RANBP2: variants seen among roughly 807,000 people sequenced by gnomAD.
RANBP2 encodes RAN binding protein 2.
RANBP2 carries 57 observed loss-of-function variants against 303.6 expected under a neutral mutation model. The ratio of observed to expected loss-of-function variants is 0.19; its 90% CI spans 0.15 to 0.23. The LOEUF (loss-of-function observed/expected upper bound fraction) is 0.23. RANBP2 is among the 10% of genes least tolerant of loss of function. The pLI is 1.00. For missense variants in RANBP2, 3,138 were observed against 3,780.8 expected (o/e 0.83, Z 4.46); for synonymous variants, 1,167 against 1,301.5 (o/e 0.90, Z 2.23).
the RANBP2 span, among the ~76,000 whole-genome samples, chr2:108,814,946 T>A: frequency 5.3e-5 from 8 of 152,052 alleles, no homozygotes; most frequent in East Asian, 1.9e-4. Flanking sequence ...TGCAGATTTT[T>A]AAAAAAATAA....
rs373386612 is a variant in RANBP2, at chr2:108,765,688, T to C, written c.5149T>C (p.Phe1717Leu). 4.3e-6 allele frequency: 7 copies of C among 1,611,826 alleles called. No homozygotes were observed. The African/African-American group carries it at 9.4e-5, about 22-fold the overall frequency. ...GACAAGCAAGGCTCCAAAGAGCGGA[T>C]TTGAGGGAATGTTCACTAAGAAGGA... is the stretch of plus-strand genomic sequence containing the variant. ...SETSKAPKSG[F>L]EGMFTKKEGQ... is the part of the protein sequence containing the mutation. Residue 1717 changes from phenylalanine to leucine, a missense_variant, in exon 20 of 29, where the codon TTT (phenylalanine) becomes CTT (leucine). Phe to Leu is a conservative substitution (Grantham distance 22). This residue lies in a region of RANBP2 where 51 missense variants were observed against 112.1 expected (regional missense o/e 0.45). Coordinates refer to ENST00000283195, the MANE Select transcript of RANBP2 (RefSeq NM_006267.5).
the RANBP2 span, among the ~76,000 whole-genome samples, chr2:109,032,281 C>A: frequency 5.7e-4 from 86 of 152,206 alleles, no homozygotes; most frequent in African/African-American, 1.9e-3. Context: ...GAGTGAACTT[C>A]TGCATAGCGA....
the RANBP2 span, among the ~76,000 whole-genome samples, chr2:109,498,161 G>T: frequency 3.3e-4 from 51 of 152,288 alleles, no homozygotes; most frequent in East Asian, 1.4e-3. Flanking sequence ...CTTCCTTCCC[G>T]CCTGCATGTC....
At chr2:109,098,104 CTCTA>C in the RANBP2 span, among the ~76,000 whole-genome samples, 6 of 152,194 alleles carry the variant, frequency 3.9e-5, no homozygotes, top group Non-Finnish European at 5.9e-5. Context: ...TTCCTCAGGA[CTCTA>C]TCACAGTTGT....
At chr2:109,573,920 C>T in the RANBP2 span, among the ~76,000 whole-genome samples, 1 of 152,182 alleles carries the variant, frequency 6.6e-6, no homozygotes, top group African/African-American at 2.4e-5. Flanking sequence ...AACATTAGAC[C>T]TTAATCCTTG....
chr2:109,009,082 A>C, the RANBP2 span, among the ~76,000 whole-genome samples: 1 of 150,924 alleles, frequency 6.6e-6, no homozygotes, highest in African/African-American at 2.4e-5. Flanking sequence ...GCTCGAGCCT[A>C]TAATCCCAGC....
the RANBP2 span, among the ~76,000 whole-genome samples, chr2:109,454,513 G>C: frequency 2.0e-5 from 3 of 152,218 alleles, no homozygotes; most frequent in Non-Finnish European, 4.4e-5. Flanking sequence ...AGTCCACACG[G>C]TGAGAGCGCT....
the RANBP2 span, chr2:109,436,916 C>T: frequency 2.0e-3 from 3,201 of 1,613,448 alleles, 4 homozygotes; most frequent in Non-Finnish European, 2.6e-3. Context: ...GGGGCAGGGC[C>T]GCCCCGGAAT....
chr2:109,657,781 A>G, the RANBP2 span, among the ~76,000 whole-genome samples: 1 of 131,362 alleles, frequency 7.6e-6, no homozygotes, highest in Non-Finnish European at 1.5e-5. Flanking sequence ...GTGCAATGGC[A>G]CAATCTTGGC....
chr2:109,634,669 C>T, the RANBP2 span, among the ~76,000 whole-genome samples: 2 of 152,278 alleles, frequency 1.3e-5, no homozygotes, highest in East Asian at 3.9e-4. Context: ...TATATTGGTA[C>T]ATCTATGTGG....
chr2:108,970,072 C>T, the RANBP2 span, among the ~76,000 whole-genome samples: 1 of 152,214 alleles, frequency 6.6e-6, no homozygotes, highest in African/African-American at 2.4e-5. Context: ...TAAGAAGACA[C>T]TTTCCCCTGT....
chr2:108,930,471 C>A, the RANBP2 span, among the ~76,000 whole-genome samples: 1 of 152,112 alleles, frequency 6.6e-6, no homozygotes, highest in Non-Finnish European at 1.5e-5. Flanking sequence ...CCCTGCCTCA[C>A]CCCTGCTGGC....
chr2:109,704,844 T>G, the RANBP2 span, among the ~76,000 whole-genome samples: 1 of 151,608 alleles, frequency 6.6e-6, no homozygotes, highest in African/African-American at 2.4e-5. Context: ...GGAACGAAAC[T>G]TCATCTCAAA....
At chr2:109,016,556 A>G in the RANBP2 span, among the ~76,000 whole-genome samples, 1 of 152,134 alleles carries the variant, frequency 6.6e-6, no homozygotes, top group Non-Finnish European at 1.5e-5. Flanking sequence ...TCCTGATCCT[A>G]GGCGTCCCGA....
At chr2:109,097,012 A>AT in the RANBP2 span, among the ~76,000 whole-genome samples, 2 of 152,072 alleles carry the variant, frequency 1.3e-5, no homozygotes, top group African/African-American at 4.8e-5. Flanking sequence ...CAAATTATAC[A>AT]TAAAAACTCT....
At chr2:109,154,216 G>A in the RANBP2 span, among the ~76,000 whole-genome samples, 9 of 152,324 alleles carry the variant, frequency 5.9e-5, no homozygotes, top group African/African-American at 2.2e-4. Context: ...TAGCATCCAT[G>A]TGGTGCTTTC....
At chr2:109,022,528 A>G in the RANBP2 span, among the ~76,000 whole-genome samples, 5 of 152,298 alleles carry the variant, frequency 3.3e-5, no homozygotes, top group South Asian at 2.1e-4. Flanking sequence ...GCATTTCTCA[A>G]TTGTAAGTGG....
the RANBP2 span, among the ~76,000 whole-genome samples, chr2:109,539,725 G>A: frequency 1.6e-4 from 24 of 152,200 alleles, no homozygotes; most frequent in African/African-American, 5.5e-4. Flanking sequence ...TTACAGGAGT[G>A]AGCCACCGTG....
At chr2:109,291,660 A>T in the RANBP2 span, among the ~76,000 whole-genome samples, 3 of 152,160 alleles carry the variant, frequency 2.0e-5, no homozygotes, top group Non-Finnish European at 4.4e-5. Flanking sequence ...ATATTGTTCC[A>T]GTGGGGTGTG....
Sources: allele counts gnomAD v4.1 joint callset (sites outside exome capture counted in the v4.1 genomes callset), GRCh38; gene constraint gnomAD v4.1.1; regional missense constraint gnomAD v4.1.1; transcripts MANE v1.5; gene names NCBI Gene and HGNC (gene_info 2026-07-23, HGNC 2026-07-21).